Variants in DLG2 observed in about 807,000 individuals in gnomAD.
The protein encoded by DLG2 is discs large MAGUK scaffold protein 2, also known as disks large homolog 2.
DLG2 carries 45 observed loss-of-function variants against 132.5 expected under a neutral mutation model. The observed-to-expected ratio is 0.34, with a 90% CI of 0.27 to 0.44. The LOEUF is 0.44. DLG2 is among the 20% of genes least tolerant of loss of function. The probability of loss-of-function intolerance (pLI) is 1.00; values close to 1 mark genes in which losing one functional copy is unlikely to be tolerated. For missense variants in DLG2, 1,045 were observed against 1,196.9 expected (o/e 0.87, Z 1.87); for synonymous variants, 424 against 419.6 (o/e 1.01, Z -0.13).
At chr11:84,840,125 A>G (rs2080426484) in intron 6 of DLG2, among the ~76,000 whole-genome samples, 1 of 152,162 alleles carries the variant, frequency 6.6e-6, no homozygotes, top group Non-Finnish European at 1.5e-5. Context: ...TCCACAAAGA[A>G]CTTAAACAAA....
intron 8 of DLG2, among the ~76,000 whole-genome samples, chr11:84,234,160 G>C (rs1045021483): frequency 6.6e-6 from 1 of 152,168 alleles, no homozygotes; most frequent in African/African-American, 2.4e-5. Context: ...AAGAATCATG[G>C]GGGAAGAGAT....
chr11:83,983,542 GT>G (rs2092987422), intron 11 of DLG2, among the ~76,000 whole-genome samples: 1 of 152,002 alleles, frequency 6.6e-6, no homozygotes, highest in Admixed American at 6.6e-5. Context: ...TGATGGCATA[GT>G]AAATTATAAA....
At chr11:83,521,506 C>T (rs980324831) in intron 21 of DLG2, among the ~76,000 whole-genome samples, 2 of 152,146 alleles carry the variant, frequency 1.3e-5, no homozygotes, top group Non-Finnish European at 2.9e-5. Context: ...TTACTTAATG[C>T]TGCAGACTTG....
intron 18 of DLG2, among the ~76,000 whole-genome samples, chr11:83,640,799 C>T (rs746360435): frequency 7.2e-5 from 11 of 152,246 alleles, no homozygotes; most frequent in East Asian, 3.9e-4. Flanking sequence ...CATGGAAAGA[C>T]GCTAATACAG....
In DLG2 at chr11:85,045,773, T is replaced by A. The variant is rs2062281950; in HGVS notation, c.357+65888A>T. 2.0e-5 allele frequency among the ~76,000 whole-genome samples: 3 copies of A among 152,046 alleles called. No homozygotes were observed. The South Asian group carries it at 6.2e-4, about 31-fold the overall frequency. On this transcript the variant is annotated intron_variant, in intron 6 of 27. Coordinates refer to ENST00000376104, the MANE Select transcript of DLG2 (RefSeq NM_001142699.3). ...GCTGTAATTTGAATAGTCTGAGTTT[T>A]ACAGAAGGGAAGAGGAAATATGATG...
At chr11:85,127,297 A>C (rs975732124) in intron 5 of DLG2, among the ~76,000 whole-genome samples, 3 of 121,904 alleles carry the variant, frequency 2.5e-5, no homozygotes, top group African/African-American at 6.4e-5. Context: ...CACCTGCCAG[A>C]GCTTTGCCTA....
chr11:85,189,695 C>A (rs1013373721), intron 4 of DLG2, among the ~76,000 whole-genome samples: 16 of 152,046 alleles, frequency 1.1e-4, no homozygotes, highest in Non-Finnish European at 1.6e-4. Flanking sequence ...TGTTAAAATT[C>A]AAAGACCCAT....
intron 11 of DLG2, among the ~76,000 whole-genome samples, chr11:83,998,602 T>C (rs555895217): frequency 3.3e-5 from 5 of 152,306 alleles, no homozygotes; most frequent in African/African-American, 1.2e-4. Flanking sequence ...ATTCCCACTG[T>C]GGACTCCTGC....
intron 19 of DLG2, among the ~76,000 whole-genome samples, chr11:83,579,711 C>T (rs983604104): frequency 1.1e-4 from 17 of 151,946 alleles, no homozygotes; most frequent in African/African-American, 4.1e-4. Context: ...TGGCTCACAC[C>T]TGTAATCCCA....
At chr11:84,158,354 C>T (rs2095476345) in intron 9 of DLG2, among the ~76,000 whole-genome samples, 1 of 152,116 alleles carries the variant, frequency 6.6e-6, no homozygotes, top group African/African-American at 2.4e-5. Context: ...TGAGCCACCG[C>T]CCCTGGCCTA....
At chr11:84,780,539 G>GT (rs1436957313) in intron 6 of DLG2, among the ~76,000 whole-genome samples, 1 of 152,054 alleles carries the variant, frequency 6.6e-6, no homozygotes, top group African/African-American at 2.4e-5. Context: ...CTGCCAAACT[G>GT]TTTTCCTGAG....
At chr11:83,841,495 C>T (rs111469174) in intron 16 of DLG2, among the ~76,000 whole-genome samples, 1,746 of 152,288 alleles carry the variant, frequency 0.011, 21 homozygotes, top group Non-Finnish European at 0.015. Context: ...GGGTTGGGTG[C>T]TTCACCTAGC....
chr11:85,140,445 T>C (rs1032146171), intron 5 of DLG2, among the ~76,000 whole-genome samples: 9 of 151,926 alleles, frequency 5.9e-5, no homozygotes, highest in African/African-American at 2.2e-4. Context: ...TTTTAAAAAA[T>C]TATGAGTACA....
At chr11:84,747,123 A>G (rs905905613) in intron 6 of DLG2, among the ~76,000 whole-genome samples, 3 of 152,206 alleles carry the variant, frequency 2.0e-5, no homozygotes, top group Non-Finnish European at 4.4e-5. Flanking sequence ...TTTGTAGTTG[A>G]GGAATAAATA....
intron 10 of DLG2, among the ~76,000 whole-genome samples, chr11:84,097,979 T>C (rs1187337087): frequency 6.6e-6 from 1 of 151,524 alleles, no homozygotes. Flanking sequence ...TACTACTCTC[T>C]ATCACTGAGA....
chr11:85,566,447 A>C (rs1037929792), intron 3 of DLG2, among the ~76,000 whole-genome samples: 2 of 152,238 alleles, frequency 1.3e-5, no homozygotes, highest in Middle Eastern at 3.4e-3. Flanking sequence ...GCTATAGCAG[A>C]ATACCATAGA....
chr11:83,486,351 C>T lies in DLG2; in HGVS notation c.2194-2123G>A, dbSNP rs557903004. 5.1e-5 allele frequency: 23 copies of T among 454,322 alleles called. No homozygotes were observed. In the Admixed American group the frequency reaches 5.2e-4, roughly 10 times the overall value. 28.1% of individuals were successfully genotyped at this position (454,322 alleles called of 1,614,324 possible). A position where few individuals can be genotyped will look rare whatever the true frequency, so the allele number is the denominator to read the frequency against. On this transcript the variant is annotated intron_variant, in intron 21 of 27. Transcript: ENST00000376104. Reference sequence around the variant, plus strand: ...TCAACATCACCAATGACTTGTCATGCAAAAAAAAAAAATTACACATTTTCA... The same window carrying T: ...TCAACATCACCAATGACTTGTCATGTAAAAAAAAAAAATTACACATTTTCA...
chr11:84,388,530 A>G (rs2154438627), intron 7 of DLG2, among the ~76,000 whole-genome samples: 1 of 152,152 alleles, frequency 6.6e-6, no homozygotes, highest in African/African-American at 2.4e-5. Flanking sequence ...TTTCATTTTA[A>G]TTTATAGATT....
chr11:85,020,245 GT>G (rs1433892885), intron 6 of DLG2, among the ~76,000 whole-genome samples: 2 of 152,068 alleles, frequency 1.3e-5, no homozygotes, highest in Non-Finnish European at 2.9e-5. Flanking sequence ...TTCATGTGTT[GT>G]TGGCTGCATA....
Sources: gnomAD v4.1 joint callset for allele counts (sites outside exome capture counted in the v4.1 genomes callset) on GRCh38, gnomAD v4.1.1 for gene constraint, MANE v1.5 for transcripts, NCBI Gene and HGNC (gene_info 2026-07-23, HGNC 2026-07-21) for gene names.